Variants in ARMH4 observed in about 807,000 individuals in gnomAD.
The protein encoded by ARMH4 is armadillo-like helical domain-containing protein 4.
In ARMH4, 49 loss-of-function variants were observed where a neutral mutation model predicts 61.9. The observed-to-expected ratio is 0.79, with a 90% CI of 0.63 to 1.00. The LOEUF (loss-of-function observed/expected upper bound fraction) is 1.00, where lower values mean the gene tolerates loss of function less well. Among genes scored for constraint, ARMH4 ranks in the 50% least tolerant of loss-of-function variants. The probability of loss-of-function intolerance (pLI) is 0.00; values close to 1 mark genes in which losing one functional copy is unlikely to be tolerated. For synonymous variants in ARMH4, 368 were observed against 341.5 expected, an observed-to-expected ratio of 1.08 and a Z score of -0.85; for missense variants, 934 against 930.0, an observed-to-expected ratio of 1.00 and a Z score of -0.06.
intron 1 of ARMH4, among the ~76,000 whole-genome samples, chr14:58,145,238 T>C (rs1489170429): frequency 4.6e-5 from 7 of 152,226 alleles, no homozygotes; most frequent in Non-Finnish European, 1.0e-4. Context: ...TTTATTGACA[T>C]TGAAACTTGC....
intron 5 of ARMH4, among the ~76,000 whole-genome samples, chr14:58,017,902 C>T (rs1431659591): frequency 6.6e-6 from 1 of 152,082 alleles, no homozygotes; most frequent in African/African-American, 2.4e-5. Context: ...ACCAAAACAG[C>T]ATGGCATTGG....
At chr14:58,004,899 C>A in intron 7 of ARMH4, 95 bp from the exon 8 acceptor site, 1 of 1,523,220 alleles carries the variant, frequency 6.6e-7, no homozygotes, top group Admixed American at 1.7e-5. Context: ...ACAAACGAAG[C>A]CAAGGCAGGA....
intron 5 of ARMH4, among the ~76,000 whole-genome samples, chr14:58,021,081 G>A (rs940534845): frequency 2.0e-4 from 30 of 152,156 alleles, no homozygotes; most frequent in African/African-American, 7.0e-4. Context: ...CTTTTCATAG[G>A]GCAGTTGGAC....
At chr14:58,004,891 A>C in intron 7 of ARMH4, 87 bp from the exon 8 acceptor site, 2 of 1,530,208 alleles carry the variant, frequency 1.3e-6, no homozygotes, top group Non-Finnish European at 1.8e-6. Flanking sequence ...ACATGCTAAC[A>C]AACGAAGCCA....
At chr14:58,103,746 T>C (rs1431471048) in intron 4 of ARMH4, among the ~76,000 whole-genome samples, 2 of 152,078 alleles carry the variant, frequency 1.3e-5, no homozygotes, top group East Asian at 1.9e-4. Context: ...AGCCACTGTG[T>C]CTGACCCCAT....
chr14:58,131,858 C>T, intron 3 of ARMH4, 137 bp from the exon 4 acceptor site: 1 of 709,164 alleles, frequency 1.4e-6, no homozygotes. Flanking sequence ...TGGGTCAGCT[C>T]TCCTTTCCCA....
chr14:58,150,480 G>A (rs1347071030), intron 1 of ARMH4, among the ~76,000 whole-genome samples: 1 of 152,076 alleles, frequency 6.6e-6, no homozygotes, highest in Non-Finnish European at 1.5e-5. Context: ...AGATAAACCC[G>A]TTTTCCTCAT....
At chr14:58,119,365 T>C (rs993995147) in intron 4 of ARMH4, among the ~76,000 whole-genome samples, 1 of 152,246 alleles carries the variant, frequency 6.6e-6, no homozygotes, top group African/African-American at 2.4e-5. Context: ...TGTCCTCCAA[T>C]GCAATAAAAT....
intron 4 of ARMH4, among the ~76,000 whole-genome samples, chr14:58,127,636 G>A (rs1886946526): frequency 6.6e-6 from 1 of 152,110 alleles, no homozygotes; most frequent in South Asian, 2.1e-4. Context: ...TATTAAATAA[G>A]ACCAATCGGA....
chr14:58,147,924 G>T (rs1887790400), intron 1 of ARMH4, among the ~76,000 whole-genome samples: 2 of 152,074 alleles, frequency 1.3e-5, no homozygotes, highest in South Asian at 4.1e-4. Context: ...CCCCAAATAT[G>T]CAATTGCCAA....
intron 5 of ARMH4, among the ~76,000 whole-genome samples, chr14:58,085,934 T>C (rs561600246): frequency 1.3e-5 from 2 of 152,324 alleles, no homozygotes; most frequent in South Asian, 4.1e-4. Flanking sequence ...ATCGTAATAA[T>C]AATTTTCTAC....
chr14:58,096,603 C>A, intron 5 of ARMH4, 121 bp downstream of exon 5: 1 of 1,121,052 alleles, frequency 8.9e-7, no homozygotes, highest in Non-Finnish European at 1.2e-6. Context: ...ATGTAGAAAC[C>A]ACCCATAAAC....
intron 5 of ARMH4, among the ~76,000 whole-genome samples, chr14:58,051,055 T>C (rs1239175138): frequency 6.6e-6 from 1 of 151,512 alleles, no homozygotes; most frequent in Non-Finnish European, 1.5e-5. Flanking sequence ...GATAACTTTT[T>C]TGGGGAATGC....
chr14:58,049,280 C>A (rs1351070934), intron 5 of ARMH4, among the ~76,000 whole-genome samples: 1 of 151,182 alleles, frequency 6.6e-6, no homozygotes, highest in Non-Finnish European at 1.5e-5. Flanking sequence ...AACTGTGCCA[C>A]AGAATATAGA....
rs761546306 is a variant in ARMH4 at position 58,139,114 on chromosome 14, G to A, written c.245C>T (p.Ser82Leu). The change falls in exon 2 of 8, where the codon TCG (serine) becomes TTG (leucine). Residue 82 changes from serine to leucine, a missense_variant. Transcript: ENST00000267485. ...EDPMMMSAVP[S>L]ATSLNKAFSI... is the part of the protein sequence containing the mutation. The stretch of plus-strand genomic sequence containing the variant: ...GAATGCTTTATTTAATGATGTTGCC[G>A]ATGGTACTGCTGACATCATCATTGG... 16 of 1,614,202 alleles carry A rather than the reference G, an allele frequency of 9.9e-6. No individual in the cohort carries two copies. Among genetic ancestry groups the A allele is most frequent in the East Asian group, 2.2e-5 (1 of 44,890 alleles).
At chr14:58,050,262 G>A (rs1884092445) in intron 5 of ARMH4, among the ~76,000 whole-genome samples, 1 of 152,170 alleles carries the variant, frequency 6.6e-6, no homozygotes, top group South Asian at 2.1e-4. Flanking sequence ...TGTGGAAGGG[G>A]GCAGGGACAA....
chr14:58,090,879 CA>C (rs561257563), intron 5 of ARMH4, among the ~76,000 whole-genome samples: 1,907 of 59,250 alleles, frequency 0.032, 24 homozygotes, highest in African/African-American at 0.094. Context: ...GACCCTGTCT[CA>C]AAAAAAAAAA....
intron 5 of ARMH4, among the ~76,000 whole-genome samples, chr14:58,068,237 AC>A (rs962874536): frequency 8.4e-4 from 128 of 151,796 alleles, no homozygotes; most frequent in Middle Eastern, 3.4e-3. Flanking sequence ...CTACCCCCCA[AC>A]CCCCCTCCAA....
intron 5 of ARMH4, among the ~76,000 whole-genome samples, chr14:58,086,454 A>G (rs1314735046): frequency 6.6e-6 from 1 of 152,192 alleles, no homozygotes; most frequent in Non-Finnish European, 1.5e-5. Context: ...TCTACCTGCC[A>G]TATGATAGCT....
Sources: gnomAD v4.1 joint callset for allele counts (sites outside exome capture counted in the v4.1 genomes callset) on GRCh38, gnomAD v4.1.1 for gene constraint, MANE v1.5 for transcripts, NCBI Gene and HGNC (gene_info 2026-07-23, HGNC 2026-07-21) for gene names.